Variants in ROBO2 observed in about 807,000 individuals in gnomAD.
ROBO2 encodes the protein roundabout guidance receptor 2.
Under a neutral mutation model 160.8 loss-of-function variants are expected in ROBO2, and 53 were observed. That is an observed-to-expected ratio of 0.33 (90% confidence interval 0.26 to 0.41). The LOEUF (loss-of-function observed/expected upper bound fraction) is 0.41, where lower values mean the gene tolerates loss of function less well. Ranked by LOEUF, ROBO2 falls within the 10% of genes least tolerant of loss-of-function variation. ROBO2 has a pLI of 1.00. For missense variants in ROBO2, 1,577 were observed against 1,722.4 expected (o/e 0.92, Z 1.49); for synonymous variants, 664 against 611.7 (o/e 1.09, Z -1.26).
chr3:76,962,565 G>C (rs753701799), intron 2 of ROBO2, among the ~76,000 whole-genome samples: 1 of 151,704 alleles, frequency 6.6e-6, no homozygotes, highest in Non-Finnish European at 1.5e-5. Context: ...TTGAACCTAG[G>C]AGGCGGAGGT....
intron 2 of ROBO2, among the ~76,000 whole-genome samples, chr3:75,963,519 AAT>A (rs1948998754): frequency 6.6e-6 from 1 of 151,782 alleles, no homozygotes; most frequent in African/African-American, 2.4e-5. Flanking sequence ...TTGTCATTAT[AAT>A]ACTTGATAAC....
chr3:77,582,636 C>G (rs2093949721), intron 16 of ROBO2, among the ~76,000 whole-genome samples: 1 of 152,030 alleles, frequency 6.6e-6, no homozygotes, highest in Non-Finnish European at 1.5e-5. Context: ...TAGGATTTGA[C>G]TATAAGTATC....
At chr3:76,409,225 A>G (rs919664020) in intron 2 of ROBO2, among the ~76,000 whole-genome samples, 5 of 152,190 alleles carry the variant, frequency 3.3e-5, no homozygotes, top group Admixed American at 2.6e-4. Flanking sequence ...GTAGGTATCA[A>G]GATAAGTAAT....
intron 8 of ROBO2, among the ~76,000 whole-genome samples, chr3:77,553,421 C>T (rs1170242400): frequency 2.0e-5 from 3 of 151,884 alleles, no homozygotes; most frequent in Non-Finnish European, 4.4e-5. Context: ...ACAGTGGCCT[C>T]CATGTGTTCA....
intron 2 of ROBO2, among the ~76,000 whole-genome samples, chr3:76,226,381 T>C (rs1704286733): frequency 1.3e-5 from 2 of 152,126 alleles, no homozygotes; most frequent in Admixed American, 1.3e-4. Flanking sequence ...GCCTGTAGTG[T>C]GTGTATGTGT....
intron 2 of ROBO2, among the ~76,000 whole-genome samples, chr3:76,609,998 A>G (rs1031551417): frequency 6.6e-6 from 1 of 152,154 alleles, no homozygotes; most frequent in Non-Finnish European, 1.5e-5. Context: ...TGACATATCC[A>G]TATCACATTG....
intron 2 of ROBO2, among the ~76,000 whole-genome samples, chr3:76,851,799 G>C (rs2069422948): frequency 6.7e-6 from 1 of 148,198 alleles, no homozygotes; most frequent in Non-Finnish European, 1.5e-5. Flanking sequence ...TTAATATTAA[G>C]TGAATATTTC....
chr3:76,502,347 C>T (rs916207047), intron 2 of ROBO2, among the ~76,000 whole-genome samples: 1 of 152,142 alleles, frequency 6.6e-6, no homozygotes, highest in Non-Finnish European at 1.5e-5. Context: ...TCCACCTGAA[C>T]AAATTTGTGG....
At chr3:77,566,630 CATTCGATAACT>C (rs1427709664) in intron 12 of ROBO2, among the ~76,000 whole-genome samples, 8 of 152,138 alleles carry the variant, frequency 5.3e-5, no homozygotes, top group African/African-American at 1.4e-4. Flanking sequence ...CCTTTTTGAT[CATTCGATAACT>C]ATGCTAGTCA....
intron 2 of ROBO2, among the ~76,000 whole-genome samples, chr3:77,434,747 T>C (rs2079116980): frequency 6.6e-6 from 1 of 152,124 alleles, no homozygotes; most frequent in African/African-American, 2.4e-5. Flanking sequence ...CAAATCAATA[T>C]GTAACAGTGT....
At chr3:77,179,006 TTAGG>T (rs1256846104) in intron 2 of ROBO2, among the ~76,000 whole-genome samples, 1 of 152,060 alleles carries the variant, frequency 6.6e-6, no homozygotes, top group Non-Finnish European at 1.5e-5. Flanking sequence ...TTAGTGAATC[TTAGG>T]TAGGTAGGTA....
At chr3:76,757,667 A>G (rs1336024148) in intron 2 of ROBO2, among the ~76,000 whole-genome samples, 1 of 151,836 alleles carries the variant, frequency 6.6e-6, no homozygotes, top group Non-Finnish European at 1.5e-5. Context: ...TAATCAAATA[A>G]ACTATTATTT....
intron 2 of ROBO2, among the ~76,000 whole-genome samples, chr3:77,022,719 G>A (rs772755292): frequency 3.7e-4 from 56 of 152,082 alleles, no homozygotes; most frequent in Non-Finnish European, 7.2e-4. Context: ...TGATGGGTAA[G>A]GAAAGATATC....
chr3:77,429,754 A>G (rs550821817), intron 2 of ROBO2, among the ~76,000 whole-genome samples: 55 of 151,998 alleles, frequency 3.6e-4, no homozygotes, highest in African/African-American at 1.2e-3. Flanking sequence ...CAACAACACA[A>G]TCTGTGATCT....
intron 2 of ROBO2, among the ~76,000 whole-genome samples, chr3:76,622,249 A>AGAAAGAAAGAAGGAAGGAAGGAAG (rs2089221183): frequency 1.9e-5 from 1 of 52,676 alleles, no homozygotes; most frequent in East Asian, 6.3e-4. Flanking sequence ...AAAGAAAGAA[A>AGAAAGAAAGAAGGAAGGAAGGAAG]GAAAGAAAGA....
At chr3:77,248,952 A>C (rs910366825) in intron 2 of ROBO2, among the ~76,000 whole-genome samples, 3 of 152,174 alleles carry the variant, frequency 2.0e-5, no homozygotes, top group Non-Finnish European at 4.4e-5. Flanking sequence ...GTCTCAGCTC[A>C]CTGCAACCTC....
At chr3:76,053,770 A>G (rs1238406862) in intron 2 of ROBO2, among the ~76,000 whole-genome samples, 1 of 152,074 alleles carries the variant, frequency 6.6e-6, no homozygotes, top group Non-Finnish European at 1.5e-5. Context: ...TATTACTGTG[A>G]TAAGAGGCAG....
In ROBO2 at chr3:77,568,454, G is replaced by A. The variant is rs2093551802; in HGVS notation, c.1971+20G>A. ...TGGACGGTAAGCTTTCAAAGGCAAT[G>A]TTAATAGTAATCTCTTCTCTTTCGG... is the stretch of plus-strand genomic sequence containing the variant. On this transcript the variant is annotated intron_variant, in intron 13 of 25. Coordinates refer to ENST00000461745, the Ensembl canonical transcript of ROBO2. The A allele has an allele frequency of 6.2e-7, 1 of 1,612,294 alleles. No homozygotes were observed. Among genetic ancestry groups the A allele is most frequent in the East Asian group, 2.2e-5 (1 of 44,796 alleles).
chr3:76,676,843 T>G (rs1367198146), intron 2 of ROBO2, among the ~76,000 whole-genome samples: 3 of 152,154 alleles, frequency 2.0e-5, no homozygotes, highest in African/African-American at 4.8e-5. Context: ...TTCAAACTTC[T>G]TCTGTCCCTT....
Sources: gnomAD v4.1 joint callset for allele counts (sites outside exome capture counted in the v4.1 genomes callset) on GRCh38, gnomAD v4.1.1 for gene constraint, MANE v1.5 for transcripts, NCBI Gene and HGNC (gene_info 2026-07-23, HGNC 2026-07-21) for gene names.